MBNL3: variants seen among roughly 807,000 people sequenced by gnomAD.
MBNL3 encodes muscleblind-like protein 3.
A neutral mutation model predicts 24.5 loss-of-function variants in MBNL3; 6 were observed. The ratio of observed to expected loss-of-function variants is 0.25; its 90% confidence interval spans 0.13 to 0.48. The LOEUF is 0.48. Ranked by LOEUF, MBNL3 falls within the 20% of genes least tolerant of loss-of-function variation. The pLI is 0.99. For synonymous variants in MBNL3, 100 were observed against 101.7 expected (o/e 0.98, Z 0.10); for missense variants, 230 against 293.5 (o/e 0.78, Z 1.58).
chrX:132,481,319 A>C (rs747094938), intron 1 of MBNL3, among the ~76,000 whole-genome samples: 1 of 112,784 alleles, frequency 8.9e-6, no homozygotes, highest in Non-Finnish European at 1.9e-5. Context: ...ACATTCACTT[A>C]ACACAGGTTA....
chrX:132,402,946 A>G (rs1462292525), intron 3 of MBNL3, among the ~76,000 whole-genome samples: 2 of 112,136 alleles, frequency 1.8e-5, no homozygotes. Context: ...TTGTGGAAAG[A>G]CATGAAGTTC....
rs1008514635 is a variant in MBNL3, at chrX:132,372,357, A to G, written c.*7309T>C. 9.1e-6 allele frequency: 1 copy of G among 110,262 alleles called. No homozygotes were observed. Among genetic ancestry groups the G allele is most frequent in the African/African-American group, 3.3e-5 (1 of 30,509 alleles). The allele number at this position is 110,262 out of a possible 1,213,427, so 9.1% of individuals were successfully genotyped here. A position where few individuals can be genotyped will look rare whatever the true frequency, so the allele number is the denominator to read the frequency against. On this transcript the variant is annotated 3_prime_UTR_variant, in exon 9 of 9. Coordinates refer to ENST00000370853, the MANE Select transcript of MBNL3 (RefSeq NM_001386889.1). ...ATGCACAAAGTTAGTCCTTTAAAAA[A>G]GAATATATTTAGGAAAATCCTTCAA...
chrX:132,400,375 T>A (rs1178902697), intron 3 of MBNL3, among the ~76,000 whole-genome samples: 1 of 111,322 alleles, frequency 9.0e-6, no homozygotes, highest in African/African-American at 3.3e-5. Context: ...GCTAGGGGAT[T>A]TATTTTGTTT....
intron 2 of MBNL3, among the ~76,000 whole-genome samples, chrX:132,409,768 C>A (rs774160368): frequency 1.8e-5 from 2 of 111,568 alleles, no homozygotes; most frequent in African/African-American, 6.5e-5. Flanking sequence ...CTCTCTCCCC[C>A]TCCCATATAC....
At chrX:132,389,475 CCTT>C (rs1206479670) in intron 5 of MBNL3, among the ~76,000 whole-genome samples, 1 of 111,823 alleles carries the variant, frequency 8.9e-6, no homozygotes, top group African/African-American at 3.3e-5. Context: ...ATGAGGAAAA[CCTT>C]CTTAATAGGG....
chrX:132,481,803 G>T (rs1947753720), intron 1 of MBNL3, among the ~76,000 whole-genome samples: 2 of 111,142 alleles, frequency 1.8e-5, no homozygotes, highest in Admixed American at 1.9e-4. Flanking sequence ...GAAAGCAAAA[G>T]CATTCTGCCC....
chrX:132,484,309 T>C (rs2148552349), intron 1 of MBNL3, among the ~76,000 whole-genome samples: 1 of 112,496 alleles, frequency 8.9e-6, no homozygotes, highest in South Asian at 3.7e-4. Flanking sequence ...AGAATGTTCG[T>C]AACATGCAAA....
rs1603011658 is a variant in MBNL3, at chrX:132,375,873, G to A, written c.*3793C>T. On this transcript the variant is annotated 3_prime_UTR_variant, in exon 9 of 9. Coordinates refer to ENST00000370853, the MANE Select transcript of MBNL3 (RefSeq NM_001386889.1). ...AGCATCCTTATCTATACTCTGCAAT[G>A]AGGGGGACAAAGAACCAAATAACAT... 8.9e-6 allele frequency: 1 copy of A among 111,905 alleles called. No homozygotes were observed. Among genetic ancestry groups the A allele is most frequent in the South Asian group, 3.7e-4 (1 of 2,680 alleles). 9.2% of individuals were successfully genotyped at this position (111,905 alleles called of 1,213,427 possible). A position where few individuals can be genotyped will look rare whatever the true frequency, so the allele number is the denominator to read the frequency against.
intron 1 of MBNL3, among the ~76,000 whole-genome samples, chrX:132,454,703 CTTACTG>C (rs1946284538): frequency 8.9e-6 from 1 of 112,045 alleles, no homozygotes; most frequent in African/African-American, 3.2e-5. Context: ...TGTGTCTCAA[CTTACTG>C]TTTCTAGAAG....
In MBNL3 at chrX:132,439,637, G is replaced by A. The variant is rs909467556; in HGVS notation, c.-26C>T. The A allele has an allele frequency of 4.3e-6, 5 of 1,176,460 alleles. No individual in the cohort carries two copies. Among genetic ancestry groups the A allele is most frequent in the East Asian group, 3.0e-5 (1 of 32,894 alleles). ...ATTGAAAGCAAAATTAAAATCCAAT[G>A]TACCCTCTTTAGGACAATATTACTG... On this transcript the variant is annotated 5_prime_UTR_variant, in exon 2 of 9. Coordinates refer to ENST00000370853, the MANE Select transcript of MBNL3 (RefSeq NM_001386889.1).
chrX:132,453,479 G>C (rs1201995708), intron 1 of MBNL3, among the ~76,000 whole-genome samples: 1 of 111,559 alleles, frequency 9.0e-6, no homozygotes, highest in Non-Finnish European at 1.9e-5. Context: ...AAAAGGTTGG[G>C]AAACAGAAAA....
intron 1 of MBNL3, among the ~76,000 whole-genome samples, chrX:132,453,537 G>A (rs893130173): frequency 9.0e-6 from 1 of 111,487 alleles, no homozygotes; most frequent in Non-Finnish European, 1.9e-5. Context: ...ATTTATCAAT[G>A]ACCCCAGTCA....
rs1385618831 is a variant in MBNL3 at position 132,463,669 on chromosome X, T to C, written c.-703-23355A>G. Among the ~76,000 whole-genome samples, 6 of 110,146 alleles carry C rather than the reference T, an allele frequency of 5.4e-5. No homozygotes were observed. The East Asian group carries it at 1.7e-3, about 31-fold the overall frequency. On this transcript the variant is annotated intron_variant, in intron 1 of 8. Transcript: ENST00000370853. ...ATAGTGGCTAGTTAAAAATAAGGAG[T>C]TTCGCACACAATTTTAAAAAAAAGT...
intron 2 of MBNL3, among the ~76,000 whole-genome samples, chrX:132,428,355 TTAAAG>T (rs766896032): frequency 1.1e-4 from 12 of 110,255 alleles, no homozygotes; most frequent in Admixed American, 1.9e-4. Flanking sequence ...TTTACTGACT[TTAAAG>T]AAAACAATAT....
intron 1 of MBNL3, among the ~76,000 whole-genome samples, chrX:132,442,980 T>A (rs1480699454): frequency 1.8e-5 from 2 of 112,204 alleles, no homozygotes; most frequent in East Asian, 5.6e-4. Flanking sequence ...AAGTGTCAGT[T>A]GTCTCTGTAT....
At chrX:132,488,330 TA>T (rs1183237074) in intron 1 of MBNL3, among the ~76,000 whole-genome samples, 1 of 111,640 alleles carries the variant, frequency 9.0e-6, no homozygotes, top group Non-Finnish European at 1.9e-5. Flanking sequence ...CGTCTGGGTT[TA>T]ATTTCGTTTT....
chrX:132,406,528 A>G, intron 2 of MBNL3, 136 bp from the exon 3 acceptor site: 1 of 544,749 alleles, frequency 1.8e-6, no homozygotes, highest in Non-Finnish European at 2.8e-6. Context: ...AACACCCTGA[A>G]ATTCACTGAC....
chrX:132,373,245 G>A lies in MBNL3; in HGVS notation c.*6421C>T, dbSNP rs766855584. ...GTGATTTTTCCTGACTTAAAATGTC[G>A]TATCTCTATTGACCTTAGAAAAATA... On this transcript the variant is annotated 3_prime_UTR_variant, in exon 9 of 9. Transcript: ENST00000370853. 1.8e-5 allele frequency: 2 copies of A among 111,105 alleles called. No homozygotes were observed. Among genetic ancestry groups the A allele is most frequent in the East Asian group, 5.6e-4 (2 of 3,556 alleles). 9.2% of individuals were successfully genotyped at this position (111,105 alleles called of 1,213,427 possible). A position where few individuals can be genotyped will look rare whatever the true frequency, so the allele number is the denominator to read the frequency against.
chrX:132,397,432 A>G (rs1364840351), intron 3 of MBNL3, among the ~76,000 whole-genome samples: 1 of 111,524 alleles, frequency 9.0e-6, no homozygotes, highest in African/African-American at 3.3e-5. Context: ...ATCAATTACA[A>G]TTATTGTTGG....
Sources: allele counts gnomAD v4.1 joint callset (sites outside exome capture counted in the v4.1 genomes callset), GRCh38; gene constraint gnomAD v4.1.1; transcripts MANE v1.5; gene names NCBI Gene and HGNC (gene_info 2026-07-23, HGNC 2026-07-21).